NEK11: variants seen among roughly 807,000 people sequenced by gnomAD.
NEK11 encodes the protein serine/threonine-protein kinase Nek11.
Under a neutral mutation model 80.7 loss-of-function variants are expected in NEK11, and 72 were observed. The ratio of observed to expected loss-of-function variants is 0.89; its 90% CI spans 0.74 to 1.08. NEK11 has a LOEUF of 1.08. Among genes scored for constraint, NEK11 ranks in the 50% least tolerant of loss-of-function variants. The pLI, the probability that NEK11 is intolerant of heterozygous loss-of-function variation, is 0.00. For synonymous variants in NEK11, 251 were observed against 260.7 expected, an observed-to-expected ratio of 0.96 and a Z score of 0.36; for missense variants, 764 against 763.6, an observed-to-expected ratio of 1.00 and a Z score of -0.01.
At chr3:131,234,821 T>A (rs966622155) in intron 15 of NEK11, among the ~76,000 whole-genome samples, 3 of 152,032 alleles carry the variant, frequency 2.0e-5, no homozygotes, top group Admixed American at 6.6e-5. Flanking sequence ...TTTGATATAC[T>A]ATTCTTTTTT....
intron 10 of NEK11, among the ~76,000 whole-genome samples, chr3:131,156,471 C>G (rs1579242183): frequency 6.6e-6 from 1 of 152,196 alleles, no homozygotes; most frequent in Non-Finnish European, 1.5e-5. Context: ...TGCCTTCCCT[C>G]TGAAGACTTT....
intron 4 of NEK11, among the ~76,000 whole-genome samples, chr3:131,102,462 T>A (rs770496449): frequency 6.6e-6 from 1 of 152,236 alleles, no homozygotes; most frequent in Non-Finnish European, 1.5e-5. Context: ...TATGAAATTC[T>A]TGGTTGAAAT....
intron 5 of NEK11, among the ~76,000 whole-genome samples, chr3:131,119,222 T>C (rs2081921309): frequency 1.3e-5 from 2 of 152,236 alleles, no homozygotes; most frequent in Non-Finnish European, 2.9e-5. Context: ...TTCATTTTGT[T>C]ATGTACGCAG....
intron 17 of NEK11, among the ~76,000 whole-genome samples, chr3:131,280,771 G>C (rs1310590170): frequency 6.6e-6 from 1 of 152,172 alleles, no homozygotes; most frequent in East Asian, 1.9e-4. Context: ...AAATAGCCGG[G>C]ATCTTTGTTT....
chr3:131,194,032 T>C (rs2093905739), intron 14 of NEK11, among the ~76,000 whole-genome samples: 1 of 152,184 alleles, frequency 6.6e-6, no homozygotes, highest in Non-Finnish European at 1.5e-5. Context: ...GATTTGCAGG[T>C]TTATCGTCAT....
intron 16 of NEK11, among the ~76,000 whole-genome samples, chr3:131,265,262 G>A (rs1337539917): frequency 6.6e-6 from 1 of 152,174 alleles, no homozygotes; most frequent in Non-Finnish European, 1.5e-5. Flanking sequence ...TTGAATAGGA[G>A]TGATGAGAGA....
At chr3:131,124,136 T>C (rs1034871736) in intron 5 of NEK11, among the ~76,000 whole-genome samples, 1 of 152,182 alleles carries the variant, frequency 6.6e-6, no homozygotes, top group African/African-American at 2.4e-5. Flanking sequence ...AAGGGACATA[T>C]GGCATGTCAC....
intron 5 of NEK11, among the ~76,000 whole-genome samples, chr3:131,124,877 A>G (rs2083031429): frequency 6.6e-6 from 1 of 152,200 alleles, no homozygotes; most frequent in Admixed American, 6.5e-5. Context: ...GTTTGAACCA[A>G]TAGGCTATAC....
intron 16 of NEK11, among the ~76,000 whole-genome samples, chr3:131,269,071 G>A (rs566719312): frequency 5.3e-5 from 8 of 152,300 alleles, no homozygotes; most frequent in South Asian, 2.1e-4. Flanking sequence ...ACACTATGAG[G>A]GGAAAACCAC....
intron 16 of NEK11, among the ~76,000 whole-genome samples, chr3:131,271,095 T>C (rs1025944091): frequency 3.3e-5 from 5 of 152,140 alleles, no homozygotes; most frequent in African/African-American, 1.2e-4. Context: ...AGTGGGAAGG[T>C]TGGAGCTGAC....
At chr3:131,333,362 A>C (rs1458353891) in intron 17 of NEK11, among the ~76,000 whole-genome samples, 2 of 152,236 alleles carry the variant, frequency 1.3e-5, no homozygotes, top group Non-Finnish European at 2.9e-5. Context: ...ATATCCAGCC[A>C]AACCAAGCTT....
intron 16 of NEK11, among the ~76,000 whole-genome samples, chr3:131,246,606 T>G (rs1004647634): frequency 1.3e-5 from 2 of 152,176 alleles, no homozygotes; most frequent in African/African-American, 4.8e-5. Context: ...TATAATTACT[T>G]CTTTTCCTCT....
At chr3:131,236,090 A>G (rs897906385) in intron 15 of NEK11, among the ~76,000 whole-genome samples, 2 of 152,244 alleles carry the variant, frequency 1.3e-5, no homozygotes, top group Admixed American at 1.3e-4. Flanking sequence ...TGTGTATCAC[A>G]ATGACTATCT....
chr3:131,227,052 GAA>G (rs112443901), intron 14 of NEK11, among the ~76,000 whole-genome samples: 3 of 145,952 alleles, frequency 2.1e-5, no homozygotes, highest in Non-Finnish European at 1.5e-5. Flanking sequence ...GAACTGATGT[GAA>G]AAAAAAAAAT....
chr3:131,070,579 G>C (rs1009915929), intron 3 of NEK11, among the ~76,000 whole-genome samples: 1 of 152,190 alleles, frequency 6.6e-6, no homozygotes, highest in African/African-American at 2.4e-5. Context: ...GGTCATTAGT[G>C]CCTCATCGAA....
intron 14 of NEK11, among the ~76,000 whole-genome samples, chr3:131,201,808 A>G (rs1323028552): frequency 6.6e-6 from 1 of 152,082 alleles, no homozygotes; most frequent in African/African-American, 2.4e-5. Context: ...CCTACAGCAC[A>G]TGAGAAATGT....
chr3:131,309,369 T>C (rs1371092134), intron 17 of NEK11, among the ~76,000 whole-genome samples: 1 of 152,154 alleles, frequency 6.6e-6, no homozygotes, highest in Non-Finnish European at 1.5e-5. Flanking sequence ...TTATTTGGAT[T>C]GTTAAAAAAA....
At chr3:131,064,068 A>T (rs2071412941) in intron 3 of NEK11, among the ~76,000 whole-genome samples, 1 of 152,240 alleles carries the variant, frequency 6.6e-6, no homozygotes, top group Admixed American at 6.5e-5. Context: ...AAGTGGAAGA[A>T]GACAGTCACA....
At chr3:131,063,760 C>A (rs1043856788) in intron 3 of NEK11, among the ~76,000 whole-genome samples, 6 of 152,148 alleles carry the variant, frequency 3.9e-5, no homozygotes, top group Non-Finnish European at 8.8e-5. Flanking sequence ...CATAGAGTAA[C>A]TCACCAGCCA....
Sources: allele counts gnomAD v4.1 joint callset (sites outside exome capture counted in the v4.1 genomes callset), GRCh38; gene constraint gnomAD v4.1.1; transcripts MANE v1.5; gene names NCBI Gene and HGNC (gene_info 2026-07-23, HGNC 2026-07-21).